CAP2: variants seen among roughly 807,000 people sequenced by gnomAD.
CAP2 encodes the protein cyclase associated actin cytoskeleton regulatory protein 2.
Under a neutral mutation model 57.7 loss-of-function variants are expected in CAP2, and 24 were observed. That is an observed-to-expected ratio of 0.42 (90% CI 0.30 to 0.58). CAP2 has a LOEUF of 0.58. CAP2 is among the 20% of genes least tolerant of loss of function. The pLI, the probability that CAP2 is intolerant of heterozygous loss-of-function variation, is 0.22. For missense variants in CAP2, 501 were observed against 590.3 expected, an observed-to-expected ratio of 0.85 and a Z score of 1.57; for synonymous variants, 194 against 207.2, an observed-to-expected ratio of 0.94 and a Z score of 0.55.
intron 3 of CAP2, among the ~76,000 whole-genome samples, chr6:17,461,793 C>T (rs149512889): frequency 0.01 from 1,576 of 150,144 alleles, 17 homozygotes; most frequent in African/African-American, 0.036. Context: ...GAGATCGAGA[C>T]CATCCTGGCG....
In CAP2 at chr6:17,543,140, C is replaced by T. The variant is rs1472994873; in HGVS notation, c.1206C>T (p.Ile402=). The change falls in exon 11 of 13, where the codon ATC becomes ATT. Residue 402 remains isoleucine, a synonymous_variant. Transcript: ENST00000229922. ...TGATCAACTCCCAGGACATTCAAATCCAGGTAAGCAGAGCCTTTCCAACCA... is the reference window on the plus strand; with the variant it reads ...TGATCAACTCCCAGGACATTCAAATTCAGGTAAGCAGAGCCTTTCCAACCA... The part of the protein sequence containing the change: ...VEVINSQDIQ[I]QVMGRVPTIS... The T allele has an allele frequency of 6.2e-7, 1 of 1,612,416 alleles. No homozygotes were observed. Among genetic ancestry groups the T allele is most frequent in the African/African-American group, 1.3e-5 (1 of 74,902 alleles).
intron 3 of CAP2, among the ~76,000 whole-genome samples, chr6:17,461,234 T>C (rs2113594065): frequency 6.6e-6 from 1 of 152,204 alleles, no homozygotes; most frequent in African/African-American, 2.4e-5. Flanking sequence ...TTTTTTCTTT[T>C]TTTGAGACGT....
At chr6:17,436,310 T>C (rs926907423) in intron 3 of CAP2, among the ~76,000 whole-genome samples, 4 of 152,068 alleles carry the variant, frequency 2.6e-5, no homozygotes, top group African/African-American at 9.7e-5. Flanking sequence ...CTTTTGTGTT[T>C]TTAGTAGAGA....
chr6:17,492,294 C>CAA (rs138510085), intron 4 of CAP2, among the ~76,000 whole-genome samples: 3,314 of 151,392 alleles, frequency 0.022, 113 homozygotes, highest in African/African-American at 0.076. Context: ...TTGGGGTCAC[C>CAA]AAAAAAAATC....
Position 17,393,718 on chromosome 6 carries a change from G to C in CAP2, c.-30G>C, listed in dbSNP as rs903140558. The C allele has an allele frequency of 1.3e-5, 2 of 152,258 alleles. No individual in the cohort carries two copies. Among genetic ancestry groups the C allele is most frequent in the Admixed American group, 6.5e-5 (1 of 15,282 alleles). 9.4% of individuals were successfully genotyped at this position (152,258 alleles called of 1,614,324 possible). On this transcript the variant is annotated 5_prime_UTR_variant, in exon 1 of 13. Transcript: ENST00000229922. ...TGGCCGACCACGGATTTGCATTGCCGAGGACGGGACCCCAGGGCAGCGAAG... is the reference window on the plus strand; with the variant it reads ...TGGCCGACCACGGATTTGCATTGCCCAGGACGGGACCCCAGGGCAGCGAAG...
At chr6:17,494,227 C>T (rs1467209636) in intron 4 of CAP2, among the ~76,000 whole-genome samples, 1 of 152,230 alleles carries the variant, frequency 6.6e-6, no homozygotes, top group African/African-American at 2.4e-5. Context: ...CTGCTCAAAA[C>T]TCCATGGTGA....
In CAP2 at chr6:17,541,001, G is replaced by C. The variant is rs1203547873; in HGVS notation, c.855G>C (p.Lys285Asn). ...KGLRHVTDDQKTYKNPSLRAQ... is the reference protein window; with the variant it reads ...KGLRHVTDDQNTYKNPSLRAQ... ...TCCGCCATGTCACAGATGACCAGAA[G>C]ACATACAAAAATCCCAGCCTGCGGG... is the stretch of plus-strand genomic sequence containing the variant. Residue 285 changes from lysine (K) to asparagine (N), a missense_variant, in exon 9 of 13, where the codon AAG becomes AAC. Coordinates refer to ENST00000229922, the MANE Select transcript of CAP2 (RefSeq NM_006366.3). The C allele has an allele frequency of 2.5e-6, 4 of 1,613,848 alleles. No individual in the cohort carries two copies. The highest frequency in any genetic ancestry group is 1.3e-5 in the African/African-American group (1 of 74,902).
intron 4 of CAP2, among the ~76,000 whole-genome samples, chr6:17,472,500 A>G (rs1215113573): frequency 1.3e-5 from 2 of 152,254 alleles, no homozygotes; most frequent in Non-Finnish European, 2.9e-5. Flanking sequence ...GTAAAAACCA[A>G]TTGCATTCTG....
At chr6:17,420,944 T>C (rs1271973456) in intron 1 of CAP2, among the ~76,000 whole-genome samples, 2 of 152,162 alleles carry the variant, frequency 1.3e-5, no homozygotes, top group Non-Finnish European at 2.9e-5. Flanking sequence ...CACACATTTA[T>C]AGCAGCACAA....
At chr6:17,399,330 TG>T (rs1758750803) in intron 1 of CAP2, among the ~76,000 whole-genome samples, 2 of 152,222 alleles carry the variant, frequency 1.3e-5, no homozygotes. Context: ...CCCAAAGTGC[TG>T]GGATTATAGG....
rs895212673 is a variant in CAP2 at position 17,513,521 on chromosome 6, G to A, written c.531-328G>A. 1.4e-4 allele frequency among the ~76,000 whole-genome samples: 21 copies of A among 151,606 alleles called. No homozygotes were observed. Among genetic ancestry groups the A allele is most frequent in the Non-Finnish European group, 2.9e-4 (20 of 67,878 alleles). On this transcript the variant is annotated intron_variant, in intron 6 of 12. Coordinates refer to ENST00000229922, the MANE Select transcript of CAP2 (RefSeq NM_006366.3). The surrounding 1 kb of genome is among the most constrained non-coding windows in gnomAD (Gnocchi z 4.3). ...CAGAAAGAAACAGTCTCCCCTCCAC[G>A]CCCCCGTCACGTGAGGGCTGACTGG...
At chr6:17,552,139 A>G (rs1271842340) in intron 12 of CAP2, among the ~76,000 whole-genome samples, 2 of 152,196 alleles carry the variant, frequency 1.3e-5, no homozygotes, top group African/African-American at 2.4e-5. Context: ...ACTGGCATGT[A>G]TCCCTTAAGT....
rs576000809 is a variant in CAP2, at chr6:17,462,917, C to CGGGTGGAATT, written c.223-77_223-68dup. 42 of 1,065,912 alleles carry CGGGTGGAATT rather than the reference C, an allele frequency of 3.9e-5. No individual in the cohort carries two copies. The African/African-American group carries it at 6.0e-4, about 15-fold the overall frequency. 66.0% of individuals were successfully genotyped at this position (1,065,912 alleles called of 1,614,324 possible). On this transcript the variant is annotated intron_variant, in intron 3 of 12. Coordinates refer to ENST00000229922, the MANE Select transcript of CAP2 (RefSeq NM_006366.3). ...TTCATTTTTCTTGGGTATATACCTA[C>CGGGTGGAATT]GGGTGGAATTGCCAGATTATATGGT...
intron 3 of CAP2, among the ~76,000 whole-genome samples, chr6:17,439,543 A>G (rs1760010873): frequency 6.6e-6 from 1 of 151,094 alleles, no homozygotes; most frequent in Non-Finnish European, 1.5e-5. Context: ...CTTTATTTCT[A>G]TTGTTATTAT....
intron 3 of CAP2, among the ~76,000 whole-genome samples, chr6:17,445,158 G>A (rs1295892445): frequency 6.6e-6 from 1 of 152,210 alleles, no homozygotes; most frequent in Admixed American, 6.5e-5. Context: ...CCAGGCTGGA[G>A]TGCAGTGGCA....
chr6:17,483,419 C>T (rs1449641484), intron 4 of CAP2, among the ~76,000 whole-genome samples: 1 of 151,976 alleles, frequency 6.6e-6, no homozygotes, highest in Non-Finnish European at 1.5e-5. Context: ...CACGTGCACA[C>T]GTAGAACTGA....
At chr6:17,423,624 GA>G (rs997474210) in intron 2 of CAP2, among the ~76,000 whole-genome samples, 27 of 146,880 alleles carry the variant, frequency 1.8e-4, no homozygotes, top group African/African-American at 3.0e-4. Context: ...ATTGAGTAAA[GA>G]AAAAAAAAAT....
At chr6:17,452,176 C>T (rs141156968) in intron 3 of CAP2, among the ~76,000 whole-genome samples, 5 of 152,280 alleles carry the variant, frequency 3.3e-5, no homozygotes, top group African/African-American at 1.2e-4. Context: ...TATTAAAATG[C>T]CGACTAATGA....
At chr6:17,504,822 C>A (rs932106751) in intron 4 of CAP2, among the ~76,000 whole-genome samples, 5 of 152,132 alleles carry the variant, frequency 3.3e-5, no homozygotes, top group Admixed American at 3.3e-4. Context: ...CTATTCTAAT[C>A]TATTTTCATG....
Sources: gnomAD v4.1 joint callset for allele counts (sites outside exome capture counted in the v4.1 genomes callset) on GRCh38, gnomAD v4.1.1 for gene constraint, Gnocchi (gnomAD v3.1) non-coding constraint, MANE v1.5 for transcripts, NCBI Gene and HGNC (gene_info 2026-07-23, HGNC 2026-07-21) for gene names.